Variants in FLRT1 observed in about 807,000 individuals in gnomAD.
FLRT1 encodes leucine-rich repeat transmembrane protein FLRT1.
Under a neutral mutation model 30.9 loss-of-function variants are expected in FLRT1, and 14 were observed. The ratio of observed to expected loss-of-function variants is 0.45; its 90% CI spans 0.30 to 0.71. The LOEUF (loss-of-function observed/expected upper bound fraction) is 0.71. Among genes scored for constraint, FLRT1 ranks in the 30% least tolerant of loss-of-function variants. FLRT1 has a pLI of 0.08. For missense variants in FLRT1, 737 were observed against 949.2 expected (o/e 0.78, Z 2.94); for synonymous variants, 368 against 430.4 (o/e 0.85, Z 1.80).
At position 64,090,428 on chromosome 11, in the gene FLRT1, C is replaced by CGGGAGG. The variant is rs1944468681; in HGVS notation, c.-1037-12763_-1037-12762insAGGGGG. ...TTATTTCCTCAACTCACCTCCAGCC[C>CGGGAGG]GGGCAGCAGTGGGTCGATAATAATT... On this transcript the variant is annotated intron_variant, in intron 1 of 2. Transcript: ENST00000682287. The surrounding 1 kb of genome is among the most constrained non-coding windows in gnomAD (Gnocchi z 4.7). Among the ~76,000 whole-genome samples, 1 of 152,202 alleles carries CGGGAGG rather than the reference C, an allele frequency of 6.6e-6. No homozygotes were observed. Among genetic ancestry groups the CGGGAGG allele is most frequent in the Non-Finnish European group, 1.5e-5 (1 of 68,036 alleles).
At chr11:64,107,329 C>T (rs1944779866) in intron 2 of FLRT1, among the ~76,000 whole-genome samples, 1 of 152,174 alleles carries the variant, frequency 6.6e-6, no homozygotes, top group African/African-American at 2.4e-5. Context: ...TTACACGTGT[C>T]TCCTTTCATC....
intron 1 of FLRT1, among the ~76,000 whole-genome samples, chr11:64,097,738 G>A (rs1590904297): frequency 3.9e-5 from 6 of 152,190 alleles, no homozygotes; most frequent in African/African-American, 4.8e-5. Context: ...CTGGGGGCCC[G>A]GAGCGAGTGG....
At position 64,041,007 on chromosome 11, in the gene FLRT1, G is replaced by A. The variant is rs933974196; in HGVS notation, c.-1038+4848G>A. 2.6e-5 allele frequency among the ~76,000 whole-genome samples: 4 copies of A among 152,078 alleles called. No individual in the cohort carries two copies. The South Asian group carries it at 6.2e-4, about 24-fold the overall frequency. On this transcript the variant is annotated intron_variant, in intron 1 of 2. Transcript: ENST00000682287. ...TCTGGCTGGCAGGGAGGCAGTGGCC[G>A]GGCTGGTTGGGGATGGCTTATACTT...
At position 64,064,835 on chromosome 11, in the gene FLRT1, A is replaced by C. The variant is rs1943967309; in HGVS notation, c.-1038+28676A>C. Among the ~76,000 whole-genome samples, 1 of 140,242 alleles carries C rather than the reference A, an allele frequency of 7.1e-6. No individual in the cohort carries two copies. Among genetic ancestry groups the C allele is most frequent in the African/African-American group, 2.9e-5 (1 of 34,678 alleles). 92.0% of individuals were successfully genotyped at this position (140,242 alleles called of 152,430 possible). A position where few individuals can be genotyped will look rare whatever the true frequency, so the allele number is the denominator to read the frequency against. On this transcript the variant is annotated intron_variant, in intron 1 of 2. Transcript: ENST00000682287. This position sits in a 1 kb window ranked among gnomAD's most constrained non-coding sequence, Gnocchi z 4.5. The stretch of plus-strand genomic sequence containing the variant: ...CCGGTGGCCAAGAGGCTAGAGTTTC[A>C]CAAGGACCTCATTCATTCATTCATT...
intron 1 of FLRT1, among the ~76,000 whole-genome samples, chr11:64,063,753 C>T (rs1943946859): frequency 1.3e-5 from 2 of 152,178 alleles, no homozygotes; most frequent in African/African-American, 2.4e-5. Context: ...ACGCGGTCCT[C>T]GCCCGGCTGT....
chr11:64,066,142 C>T (rs950226372), intron 1 of FLRT1, among the ~76,000 whole-genome samples: 1 of 151,434 alleles, frequency 6.6e-6, no homozygotes, highest in Non-Finnish European at 1.5e-5. Context: ...ACTAAAAATA[C>T]AAGAATTAGC....
In FLRT1 at chr11:64,116,353, T is replaced by A. The variant is rs199858445; in HGVS notation, c.86T>A (p.Met29Lys). The A allele has an allele frequency of 2.7e-5, 43 of 1,612,902 alleles. No individual in the cohort carries two copies. The highest frequency in any genetic ancestry group is 3.1e-5 in the Non-Finnish European group (37 of 1,179,742). ...ACCGTTGTGATGACCACGGCCACCA[T>A]GGACCTGCGGGACTGGCTGTTCCTC... ...TATVVMTTAT[M>K]DLRDWLFLCY... Residue 29 changes from methionine to lysine, a missense_variant, in exon 3 of 3, where the codon ATG becomes AAG. Coordinates refer to ENST00000682287, the MANE Select transcript of FLRT1 (RefSeq NM_013280.5).
intron 1 of FLRT1, among the ~76,000 whole-genome samples, chr11:64,039,030 G>A (rs796883089): frequency 1.6e-4 from 25 of 152,314 alleles, no homozygotes; most frequent in African/African-American, 5.8e-4. Flanking sequence ...TGTGGGCCAA[G>A]GGCTTTCAGC....
At chr11:64,044,377 G>A (rs1022593641) in intron 1 of FLRT1, among the ~76,000 whole-genome samples, 2 of 151,328 alleles carry the variant, frequency 1.3e-5, no homozygotes, top group African/African-American at 2.4e-5. Context: ...TCAGCCTGCC[G>A]AATAGCTCGG....
Position 64,117,541 on chromosome 11 carries a change from A to G in FLRT1, c.1274A>G (p.Asn425Ser). The G allele has an allele frequency of 6.2e-7, 1 of 1,603,762 alleles. No homozygotes were observed. The highest frequency in any genetic ancestry group is 1.7e-4 in the Middle Eastern group (1 of 6,006). The change falls in exon 3 of 3, where the codon AAC (asparagine) becomes AGC (serine). Residue 425 changes from asparagine (N) to serine (S), a missense_variant. Transcript: ENST00000682287. ...CCAGGGCTGCGCCTCCCCGACTCCA[A>G]CATTGACTACCCCATGGCCACGGGT... is the stretch of plus-strand genomic sequence containing the variant. ...KRPGLRLPDS[N>S]IDYPMATGDG... is the part of the protein sequence containing the mutation.
chr11:64,054,203 G>A (rs895589845), intron 1 of FLRT1, among the ~76,000 whole-genome samples: 6 of 152,200 alleles, frequency 3.9e-5, no homozygotes, highest in East Asian at 1.9e-4. Context: ...CCCTGGGGAC[G>A]TCTTTAGGTC....
At chr11:64,044,070 C>T (rs1286203170) in intron 1 of FLRT1, among the ~76,000 whole-genome samples, 1 of 151,966 alleles carries the variant, frequency 6.6e-6, no homozygotes, top group Non-Finnish European at 1.5e-5. Flanking sequence ...CCCACTTCGG[C>T]CTCCCAAAGT....
intron 2 of FLRT1, among the ~76,000 whole-genome samples, chr11:64,107,288 T>C (rs1944779205): frequency 6.6e-6 from 1 of 152,230 alleles, no homozygotes; most frequent in Non-Finnish European, 1.5e-5. Flanking sequence ...GAGCATCTTA[T>C]TAAATAATGC....
At chr11:64,091,692 G>C (rs1202443723) in intron 1 of FLRT1, among the ~76,000 whole-genome samples, 1 of 152,206 alleles carries the variant, frequency 6.6e-6, no homozygotes, top group Non-Finnish European at 1.5e-5. Flanking sequence ...CACAGCTGCT[G>C]AAGTTGCACG....
At chr11:64,086,697 G>C (rs905491054) in intron 1 of FLRT1, among the ~76,000 whole-genome samples, 2 of 152,190 alleles carry the variant, frequency 1.3e-5, no homozygotes, top group African/African-American at 2.4e-5. Context: ...AAGACAGAGA[G>C]GGGGAGAAGG....
chr11:64,105,283 G>A (rs775377006), intron 2 of FLRT1, among the ~76,000 whole-genome samples: 20 of 152,148 alleles, frequency 1.3e-4, no homozygotes, highest in African/African-American at 1.4e-4. Flanking sequence ...AGGAGGGCTC[G>A]GGGGTCATTC....
intron 1 of FLRT1, among the ~76,000 whole-genome samples, chr11:64,083,489 C>G (rs987457572): frequency 6.6e-6 from 1 of 152,216 alleles, no homozygotes; most frequent in Non-Finnish European, 1.5e-5. Context: ...TGAACCCCAG[C>G]CTGTCCGCTT....
chr11:64,103,940 C>G lies in FLRT1; in HGVS notation c.-291C>G, dbSNP rs1944713820. 1 of 152,358 alleles carries G rather than the reference C, an allele frequency of 6.6e-6. No homozygotes were observed. Among genetic ancestry groups the G allele is most frequent in the African/African-American group, 2.4e-5 (1 of 41,432 alleles). 9.4% of individuals were successfully genotyped at this position (152,358 alleles called of 1,614,324 possible). On this transcript the variant is annotated 5_prime_UTR_variant, in exon 2 of 3. Transcript: ENST00000682287. ...CAGCCTCATCTGAACGCCAGGAGACCAGGATACCGAGGCACCGGATCCCCT... is the reference window on the plus strand; with the variant it reads ...CAGCCTCATCTGAACGCCAGGAGACGAGGATACCGAGGCACCGGATCCCCT...
intron 2 of FLRT1, among the ~76,000 whole-genome samples, chr11:64,110,374 G>A (rs182709172): frequency 1.1e-3 from 161 of 151,950 alleles, no homozygotes; most frequent in African/African-American, 3.6e-3. Flanking sequence ...ACCTGAGCAT[G>A]GGGAGGTCGA....
Sources: allele counts gnomAD v4.1 joint callset (sites outside exome capture counted in the v4.1 genomes callset), GRCh38; gene constraint gnomAD v4.1.1; non-coding constraint Gnocchi (gnomAD v3.1); transcripts MANE v1.5; gene names NCBI Gene and HGNC (gene_info 2026-07-23, HGNC 2026-07-21).